FRS3: variants seen among roughly 807,000 people sequenced by gnomAD.
The protein encoded by FRS3 is fibroblast growth factor receptor substrate 3.
Under a neutral mutation model 41.9 loss-of-function variants are expected in FRS3, and 17 were observed. The ratio of observed to expected loss-of-function variants is 0.41; its 90% CI spans 0.28 to 0.61. The LOEUF is 0.61. Among genes scored for constraint, FRS3 ranks in the 20% least tolerant of loss-of-function variants. The pLI is 0.36. For missense variants in FRS3, 619 were observed against 672.1 expected, an observed-to-expected ratio of 0.92 and a Z score of 0.87; for synonymous variants, 287 against 274.5, an observed-to-expected ratio of 1.05 and a Z score of -0.45.
Position 41,771,840 on chromosome 6 carries a change from A to G in FRS3, c.540T>C (p.His180=). 1 of 1,552,584 alleles carries G rather than the reference A, an allele frequency of 6.4e-7. No individual in the cohort carries two copies. Among genetic ancestry groups the G allele is most frequent in the Non-Finnish European group, 8.7e-7 (1 of 1,147,726 alleles). Residue 180 remains histidine (H), a synonymous_variant, in exon 6 of 7, where the codon CAT becomes CAC. Coordinates refer to ENST00000373018, the MANE Select transcript of FRS3 (RefSeq NM_006653.5). ...RHPSLGEEST[H]ALIAPDEQSH... ...CCTGCTCATCAGGAGCAATGAGGGCATGGGTGGACTCTTCCCCAAGCGAGG... is the reference window on the plus strand; with the variant it reads ...CCTGCTCATCAGGAGCAATGAGGGCGTGGGTGGACTCTTCCCCAAGCGAGG...
intron 2 of FRS3, 118 bp from the exon 3 acceptor site, chr6:41,777,128 G>A: frequency 2.9e-6 from 2 of 681,314 alleles, no homozygotes; most frequent in South Asian, 1.7e-5. Context: ...GAGACTGTGT[G>A]ATACAGACCC....
chr6:41,775,375 T>G (rs562308090), intron 4 of FRS3, 44 bp downstream of exon 4: 1 of 1,501,234 alleles, frequency 6.7e-7, no homozygotes, highest in African/African-American at 1.4e-5. Flanking sequence ...CCTGGAGTAC[T>G]GCATAAGCCC....
chr6:41,775,655 G>T, intron 3 of FRS3, 50 bp from the exon 4 acceptor site: 2 of 1,432,066 alleles, frequency 1.4e-6, no homozygotes, highest in Non-Finnish European at 9.8e-7. Flanking sequence ...ACAAGTGTTT[G>T]CATGGGTCCC....
chr6:41,776,179 G>A (rs9471649), intron 3 of FRS3, among the ~76,000 whole-genome samples: 3 of 152,218 alleles, frequency 2.0e-5, no homozygotes, highest in South Asian at 2.1e-4. Context: ...AGCACAGGTC[G>A]ACTTGGGTCT....
At position 41,771,151 on chromosome 6, in the gene FRS3, C is replaced by T. The variant is rs35744673; in HGVS notation, c.947G>A (p.Arg316Gln). ...EPGWNGLAHR[R>Q]AALLHYENLP... ...GTTCTCATAGTGCAGCAGGGCGGCC[C>T]GGCGGTGGGCAAGGCCATTCCAGCC... is the stretch of plus-strand genomic sequence containing the variant. Residue 316 changes from arginine to glutamine, a missense_variant, in exon 7 of 7, where the codon CGG becomes CAG. This residue lies in a region of FRS3 where 487 missense variants were observed against 478.3 expected (regional missense o/e 1.02). Transcript: ENST00000373018. 21,133 of 1,556,744 alleles carry T rather than the reference C, an allele frequency of 0.014. 203 individuals carry two copies. Among genetic ancestry groups the T allele is most frequent in the Non-Finnish European group, 0.015 (17,723 of 1,148,332 alleles).
At chr6:41,771,649 T>C in intron 6 of FRS3, 116 bp from the exon 7 acceptor site, 3 of 1,168,100 alleles carry the variant, frequency 2.6e-6, no homozygotes, top group East Asian at 4.8e-5. Flanking sequence ...TTCTTCTTCC[T>C]TGTCCTCCAA....
Position 41,771,338 on chromosome 6 carries a change from C to T in FRS3, c.760G>A (p.Val254Met), listed in dbSNP as rs1283243624. ...CTGGGACAGAGGCCCTGGCACTTCA[C>T]CATGTGCCGCCGAGCAGGGGTCGGG... ...LGPTPARRHM[V>M]KCQGLCPSLH... Residue 254 changes from valine to methionine, a missense_variant, in exon 7 of 7, where the codon GTG (valine) becomes ATG (methionine). Transcript: ENST00000373018. The T allele has an allele frequency of 1.2e-6, 2 of 1,613,524 alleles. No homozygotes were observed. The highest frequency in any genetic ancestry group is 1.7e-6 in the Non-Finnish European group (2 of 1,179,740).
At chr6:41,773,188 T>C (rs969357028) in intron 4 of FRS3, among the ~76,000 whole-genome samples, 4 of 152,082 alleles carry the variant, frequency 2.6e-5, no homozygotes, top group Admixed American at 6.5e-5. Context: ...CTGCAACCTC[T>C]GCCTCCCAGG....
chr6:41,770,728 A>G lies in FRS3; in HGVS notation c.1370T>C (p.Val457Ala). The G allele has an allele frequency of 6.2e-7, 1 of 1,612,992 alleles. No homozygotes were observed. Among genetic ancestry groups the G allele is most frequent in the Non-Finnish European group, 8.5e-7 (1 of 1,179,842 alleles). ...HPARSSDSYA[V>A]IDLKKTVAMS... ...GGCCACGGTCTTTTTGAGGTCAATC[A>G]CGGCGTAGGAGTCTGAGCTTCGGGC... Residue 457 changes from valine (V) to alanine (A), a missense_variant, in exon 7 of 7, where the codon GTG becomes GCG. Physicochemically the swap from Val to Ala is moderately conservative, Grantham distance 64 (BLOSUM62 0). This residue lies in a region of FRS3 where 32 missense variants were observed against 55.6 expected (regional missense o/e 0.58). Transcript: ENST00000373018.
Position 41,771,009 on chromosome 6 carries a change from A to G in FRS3, c.1089T>C (p.Gly363=), listed in dbSNP as rs1358286335. Residue 363 remains glycine, a synonymous_variant, in exon 7 of 7, where the codon GGT becomes GGC. Transcript: ENST00000373018. ...TCTGCAGTGGGGTCTCGTCCTCCTC[A>G]CCATCAGGGAAGCCATTGGAAGAGG... ...LTPSSNGFPD[G]EEDETPLQKP... The G allele has an allele frequency of 2.5e-6, 4 of 1,612,794 alleles. No homozygotes were observed. Among genetic ancestry groups the G allele is most frequent in the Non-Finnish European group, 3.4e-6 (4 of 1,179,768 alleles).
intron 1 of FRS3, among the ~76,000 whole-genome samples, 183 bp downstream of exon 1, chr6:41,779,633 A>AGGAATGAGGAGGTCTG (rs1321040454): frequency 6.6e-6 from 1 of 151,916 alleles, no homozygotes; most frequent in Non-Finnish European, 1.5e-5. Context: ...CATGCCCGTA[A>AGGAATGAGGAGGTCTG]GGAATGAGGA....
At position 41,771,802 on chromosome 6, in the gene FRS3, G is replaced by A. The variant is rs373391080; in HGVS notation, c.564+14C>T. On this transcript the variant is annotated intron_variant, in intron 6 of 6. Coordinates refer to ENST00000373018, the MANE Select transcript of FRS3 (RefSeq NM_006653.5). ...CAGACCAACAGGGCAGGGGCTGGCC[G>A]GCTGCGTGCTCACCTGCTCATCAGG... 28 of 1,549,410 alleles carry A rather than the reference G, an allele frequency of 1.8e-5. No individual in the cohort carries two copies. Among genetic ancestry groups the A allele is most frequent in the Non-Finnish European group, 2.1e-5 (24 of 1,147,212 alleles).
chr6:41,774,369 G>C (rs1190260674), intron 4 of FRS3, among the ~76,000 whole-genome samples: 1 of 152,118 alleles, frequency 6.6e-6, no homozygotes, highest in Non-Finnish European at 1.5e-5. Context: ...TGACAAGAGG[G>C]TCTACTCTGT....
At chr6:41,772,127 T>C (rs1772312599) in intron 5 of FRS3, among the ~76,000 whole-genome samples, 163 bp from the exon 6 acceptor site, 1 of 152,180 alleles carries the variant, frequency 6.6e-6, no homozygotes, top group African/African-American at 2.4e-5. Flanking sequence ...CCATTATCCT[T>C]CATCTTTCCT....
In FRS3 at chr6:41,771,184, T is replaced by A; in HGVS notation, c.914A>T (p.Glu305Val). Residue 305 changes from glutamate to valine, a missense_variant, in exon 7 of 7, where the codon GAG becomes GTG. Glu to Val is a moderately radical substitution (Grantham distance 121, BLOSUM62 -2). Coordinates refer to ENST00000373018, the MANE Select transcript of FRS3 (RefSeq NM_006653.5). ...GGCAAGGCCATTCCAGCCCGGCTCC[T>A]CTGGGCTCAGTCTCCAGCCAGCCCC... ...WRGAGWRLSP[E>V]EPGWNGLAHR... is the part of the protein sequence containing the mutation. The A allele has an allele frequency of 6.4e-7, 1 of 1,557,824 alleles. No homozygotes were observed. The highest frequency in any genetic ancestry group is 8.7e-7 in the Non-Finnish European group (1 of 1,148,850).
intron 4 of FRS3, among the ~76,000 whole-genome samples, chr6:41,773,592 C>T (rs887513582): frequency 6.6e-6 from 1 of 151,318 alleles, no homozygotes; most frequent in Non-Finnish European, 1.5e-5. Flanking sequence ...AAGTGGAGGC[C>T]GGGCATGATG....
In FRS3 at chr6:41,770,437, A is replaced by AC. The variant is rs1772255600; in HGVS notation, c.*181dup. The AC allele has an allele frequency of 1.6e-6, 1 of 624,734 alleles. No homozygotes were observed. Among genetic ancestry groups the AC allele is most frequent in the Non-Finnish European group, 2.8e-6 (1 of 354,710 alleles). The allele number at this position is 624,734 out of a possible 1,614,324, so 38.7% of individuals were successfully genotyped here. ...CCTTCTCTCCCCAGCCTGGAGACAG[A>AC]CCAGGAGACTCGGTGGCTGATATCT... On this transcript the variant is annotated 3_prime_UTR_variant, in exon 7 of 7. Coordinates refer to ENST00000373018, the MANE Select transcript of FRS3 (RefSeq NM_006653.5).
chr6:41,772,100 A>C (rs1772311720), intron 5 of FRS3, 136 bp from the exon 6 acceptor site: 7 of 655,580 alleles, frequency 1.1e-5, no homozygotes, highest in Non-Finnish European at 1.8e-5. Context: ...GTTAAACCCC[A>C]CTGAGCCACC....
chr6:41,771,103 C>A lies in FRS3; in HGVS notation c.995G>T (p.Trp332Leu), dbSNP rs1483652697. The change falls in exon 7 of 7, where the codon TGG becomes TTG. Residue 332 changes from tryptophan to leucine, a missense_variant. Transcript: ENST00000373018. Reference protein sequence around the residue: ...YENLPPLPPVWESQAQQLGGE... With the variant: ...YENLPPLPPVLESQAQQLGGE... ...TCCCAGCTGCTGGGCTTGGCTTTCC[C>A]ACACAGGGGGCAGTGGGGGCAGGTT... 6.3e-7 allele frequency: 1 copy of A among 1,589,078 alleles called. No homozygotes were observed. The highest frequency in any genetic ancestry group is 8.6e-7 in the Non-Finnish European group (1 of 1,165,576).
Sources: gnomAD v4.1 joint callset for allele counts (sites outside exome capture counted in the v4.1 genomes callset) on GRCh38, gnomAD v4.1.1 for gene constraint, gnomAD v4.1.1 regional missense constraint, MANE v1.5 for transcripts, NCBI Gene and HGNC (gene_info 2026-07-23, HGNC 2026-07-21) for gene names.